Variants in CNTN6 observed in about 807,000 individuals in gnomAD.
The protein encoded by CNTN6 is contactin 6.
Under a neutral mutation model 122.8 loss-of-function variants are expected in CNTN6, and 137 were observed. The observed-to-expected ratio is 1.12, with a 90% CI of 0.97 to 1.29. The LOEUF (loss-of-function observed/expected upper bound fraction) is 1.29. Among genes scored for constraint, CNTN6 ranks in the 50% most tolerant of loss-of-function variants. The pLI is 0.00. For missense variants in CNTN6, 1,634 were observed against 1,223.4 expected, an observed-to-expected ratio of 1.34 and a Z score of -5.01; for synonymous variants, 570 against 426.0, an observed-to-expected ratio of 1.34 and a Z score of -4.16.
intron 12 of CNTN6, among the ~76,000 whole-genome samples, chr3:1,362,310 A>G (rs2126107729): frequency 6.6e-6 from 1 of 152,252 alleles, no homozygotes; most frequent in East Asian, 1.9e-4. Flanking sequence ...CTATGACCAA[A>G]TGACCAAAAC....
At chr3:1,379,956 A>C (rs1035592628) in intron 17 of CNTN6, among the ~76,000 whole-genome samples, 1 of 152,174 alleles carries the variant, frequency 6.6e-6, no homozygotes, top group South Asian at 2.1e-4. Flanking sequence ...CTCTGTTCCT[A>C]TCAGTGGAAT....
rs1482925408 is a variant in CNTN6 at position 1,269,694 on chromosome 3, T to A, written c.359-8719T>A. ...AATTGATATTTCATATTGGTTTACT[T>A]GTTTAATTTATGAAATGTTTACCTC... On this transcript the variant is annotated intron_variant, in intron 4 of 22. Coordinates refer to ENST00000446702, the MANE Select transcript of CNTN6 (RefSeq NM_001289080.2). 2.6e-5 allele frequency among the ~76,000 whole-genome samples: 4 copies of A among 152,302 alleles called. No individual in the cohort carries two copies. In the East Asian group the frequency reaches 7.7e-4, roughly 29 times the overall value.
At chr3:1,266,111 C>G (rs765099538) in intron 4 of CNTN6, among the ~76,000 whole-genome samples, 1 of 151,822 alleles carries the variant, frequency 6.6e-6, no homozygotes, top group Admixed American at 6.6e-5. Flanking sequence ...GCTTATCTCT[C>G]AGGGTTACTA....
rs558137459 is a variant in CNTN6 at position 1,161,769 on chromosome 3, T to TACACAC, written c.55+13734_55+13739dup. Among the ~76,000 whole-genome samples the TACACAC allele has an allele frequency of 6.2e-3, 890 of 143,114 alleles. 14 individuals are homozygous for TACACAC. Among genetic ancestry groups the TACACAC allele is most frequent in the African/African-American group, 0.019 (743 of 38,616 alleles). The allele number at this position is 143,114 out of a possible 152,430, so 93.9% of individuals were successfully genotyped here. A position where few individuals can be genotyped will look rare whatever the true frequency, so the allele number is the denominator to read the frequency against. On this transcript the variant is annotated intron_variant, in intron 2 of 22. Coordinates refer to ENST00000446702, the MANE Select transcript of CNTN6 (RefSeq NM_001289080.2). ...TTAGGAATATATATATATATATGTA[T>TACACAC]ACACACACACACACACACACACACA...
At chr3:1,179,479 G>A (rs1323894291) in intron 2 of CNTN6, among the ~76,000 whole-genome samples, 3 of 152,142 alleles carry the variant, frequency 2.0e-5, no homozygotes, top group Non-Finnish European at 4.4e-5. Context: ...GGCGAATTAT[G>A]TCCTTAGGTT....
rs577783458 is a variant in CNTN6 at position 1,252,553 on chromosome 3, A to G, written c.358+24560A>G. On this transcript the variant is annotated intron_variant, in intron 4 of 22. Coordinates refer to ENST00000446702, the MANE Select transcript of CNTN6 (RefSeq NM_001289080.2). ...TTTCACTTTACGGAAATAATACAACAAACACTTTAAAACATTTTCCCTACT... is the reference window on the plus strand; with the variant it reads ...TTTCACTTTACGGAAATAATACAACGAACACTTTAAAACATTTTCCCTACT... Among the ~76,000 whole-genome samples, 5 of 152,320 alleles carry G rather than the reference A, an allele frequency of 3.3e-5. No homozygotes were observed. In the South Asian group the frequency reaches 6.2e-4, roughly 19 times the overall value.
intron 2 of CNTN6, among the ~76,000 whole-genome samples, chr3:1,208,950 T>C (rs17035505): frequency 0.078 from 11,795 of 152,188 alleles, 539 homozygotes; most frequent in South Asian, 0.12. Context: ...TAAAAGTTGG[T>C]CGAGTTTACT....
At chr3:1,380,215 T>C (rs1251298193) in intron 17 of CNTN6, among the ~76,000 whole-genome samples, 2 of 152,172 alleles carry the variant, frequency 1.3e-5, no homozygotes, top group African/African-American at 2.4e-5. Flanking sequence ...AGTCACAATC[T>C]GCCATTACGT....
chr3:1,095,425 C>T (rs535265894), intron 1 of CNTN6, among the ~76,000 whole-genome samples: 21 of 152,190 alleles, frequency 1.4e-4, no homozygotes, highest in Admixed American at 7.2e-4. Context: ...GAGCAGAGAT[C>T]GCGCCATTGC....
At chr3:1,395,046 G>C (rs529855094) in intron 20 of CNTN6, among the ~76,000 whole-genome samples, 1 of 152,096 alleles carries the variant, frequency 6.6e-6, no homozygotes, top group Non-Finnish European at 1.5e-5. Flanking sequence ...TAGATATCTA[G>C]TTTCAATAGC....
intron 12 of CNTN6, among the ~76,000 whole-genome samples, chr3:1,362,879 A>G (rs992613369): frequency 2.7e-5 from 4 of 148,448 alleles, no homozygotes; most frequent in Non-Finnish European, 4.4e-5. Context: ...AACTAAAGGG[A>G]AAAAAATCAG....
intron 7 of CNTN6, among the ~76,000 whole-genome samples, chr3:1,310,561 T>C (rs1216608137): frequency 1.3e-5 from 2 of 152,232 alleles, no homozygotes; most frequent in East Asian, 3.9e-4. Flanking sequence ...TGAAAGATAC[T>C]GGTCTGCAGT....
chr3:1,292,666 C>G (rs1210420503), intron 5 of CNTN6, among the ~76,000 whole-genome samples: 2 of 152,152 alleles, frequency 1.3e-5, no homozygotes, highest in African/African-American at 2.4e-5. Context: ...GAAATGTTAT[C>G]CACCCTGTTT....
At chr3:1,283,904 C>T (rs1034053109) in intron 5 of CNTN6, among the ~76,000 whole-genome samples, 1 of 152,172 alleles carries the variant, frequency 6.6e-6, no homozygotes, top group African/African-American at 2.4e-5. Flanking sequence ...GGGGCTGAGG[C>T]AGGAGAATCA....
At chr3:1,106,447 C>A (rs28446571) in intron 1 of CNTN6, among the ~76,000 whole-genome samples, 1 of 151,736 alleles carries the variant, frequency 6.6e-6, no homozygotes, top group African/African-American at 2.4e-5. Flanking sequence ...TTGGAACAAA[C>A]CTGTGTTTGA....
chr3:1,208,208 TC>T (rs1301287838), intron 2 of CNTN6, among the ~76,000 whole-genome samples: 1 of 152,158 alleles, frequency 6.6e-6, no homozygotes, highest in Non-Finnish European at 1.5e-5. Flanking sequence ...TTCCATGTTT[TC>T]TAACTGTTTA....
At chr3:1,283,476 C>T (rs1352947616) in intron 5 of CNTN6, among the ~76,000 whole-genome samples, 1 of 152,066 alleles carries the variant, frequency 6.6e-6, no homozygotes, top group African/African-American at 2.4e-5. Context: ...AATTTTGGAA[C>T]AGATATAACG....
At chr3:1,309,199 C>T (rs1293130726) in intron 7 of CNTN6, among the ~76,000 whole-genome samples, 1 of 152,092 alleles carries the variant, frequency 6.6e-6, no homozygotes, top group Non-Finnish European at 1.5e-5. Flanking sequence ...AATACAAAAA[C>T]TCATCACTAT....
chr3:1,344,619 C>T (rs983273828), intron 11 of CNTN6, among the ~76,000 whole-genome samples: 3 of 152,122 alleles, frequency 2.0e-5, no homozygotes, highest in Non-Finnish European at 2.9e-5. Context: ...TTTTGTCTGG[C>T]AGGTTCTGTG....
Sources: allele counts gnomAD v4.1 joint callset (sites outside exome capture counted in the v4.1 genomes callset), GRCh38; gene constraint gnomAD v4.1.1; transcripts MANE v1.5; gene names NCBI Gene and HGNC (gene_info 2026-07-23, HGNC 2026-07-21).